The following IQGAP1 variants were observed in gnomAD, a reference collection of about 807,000 sequenced individuals.
The protein encoded by IQGAP1 is ras GTPase-activating-like protein IQGAP1.
Under a neutral mutation model 215.6 loss-of-function variants are expected in IQGAP1, and 66 were observed. The observed-to-expected ratio is 0.31, with a 90% CI of 0.25 to 0.38. The LOEUF is 0.38. Ranked by LOEUF, IQGAP1 falls within the 10% of genes least tolerant of loss-of-function variation. The pLI, the probability that IQGAP1 is intolerant of heterozygous loss-of-function variation, is 1.00. For missense variants in IQGAP1, 1,712 were observed against 1,997.1 expected (o/e 0.86, Z 2.72); for synonymous variants, 772 against 728.7 (o/e 1.06, Z -0.96).
At chr15:90,407,925 T>G (rs930868888) in intron 2 of IQGAP1, among the ~76,000 whole-genome samples, 9 of 152,226 alleles carry the variant, frequency 5.9e-5, no homozygotes, top group African/African-American at 2.2e-4. Flanking sequence ...TTACCCAACA[T>G]CAGAGAATGA....
intron 2 of IQGAP1, among the ~76,000 whole-genome samples, chr15:90,401,268 A>G (rs1215211316): frequency 6.6e-6 from 1 of 152,086 alleles, no homozygotes; most frequent in Non-Finnish European, 1.5e-5. Context: ...TTTAAGAAAG[A>G]TCTGGTTAAT....
chr15:90,423,977 C>T (rs374081238), intron 2 of IQGAP1, among the ~76,000 whole-genome samples: 53 of 151,984 alleles, frequency 3.5e-4, no homozygotes, highest in African/African-American at 1.2e-3. Context: ...GCTCTTTATC[C>T]GTAGTTTTCC....
chr15:90,466,493 G>A, intron 17 of IQGAP1, 57 bp downstream of exon 17: 3 of 1,187,832 alleles, frequency 2.5e-6, no homozygotes, highest in Non-Finnish European at 3.8e-6. Context: ...TATATGAGGG[G>A]ACAGATGTAG....
chr15:90,474,738 T>C (rs1376937485), intron 23 of IQGAP1, 45 bp downstream of exon 23: 3 of 1,412,294 alleles, frequency 2.1e-6, no homozygotes, highest in Non-Finnish European at 3.0e-6. Flanking sequence ...TTCATCCTGC[T>C]TTGTAACCCC....
intron 15 of IQGAP1, among the ~76,000 whole-genome samples, chr15:90,460,573 G>A (rs1965746946): frequency 6.6e-6 from 1 of 152,158 alleles, no homozygotes; most frequent in African/African-American, 2.4e-5. Context: ...GGGCTTTGAA[G>A]GGATGGTAGG....
At chr15:90,487,228 C>T (rs778685535) in intron 32 of IQGAP1, 139 bp downstream of exon 32, 15 of 804,438 alleles carry the variant, frequency 1.9e-5, no homozygotes, top group South Asian at 3.4e-5. Flanking sequence ...CCAATCACCT[C>T]GCATATTGTA....
At chr15:90,449,528 A>G in intron 10 of IQGAP1, 31 bp from the exon 11 acceptor site, 1 of 1,573,632 alleles carries the variant, frequency 6.4e-7, no homozygotes, top group Non-Finnish European at 8.7e-7. Flanking sequence ...GGAATGAGTA[A>G]TCTTTACATA....
intron 23 of IQGAP1, chr15:90,474,968 C>T (rs909162466): frequency 3.9e-5 from 13 of 334,950 alleles, no homozygotes; most frequent in Admixed American, 8.7e-5. Context: ...TGACACTATA[C>T]CTGGCTAATG....
At chr15:90,419,939 TATA>T (rs1010527782) in intron 2 of IQGAP1, among the ~76,000 whole-genome samples, 3 of 152,254 alleles carry the variant, frequency 2.0e-5, no homozygotes, top group African/African-American at 7.2e-5. Flanking sequence ...ACACTGCTAA[TATA>T]ATACCTGGTA....
In IQGAP1 at chr15:90,496,306, C is replaced by CTTTTTTTTTTTTTTT. The variant is rs552222380; in HGVS notation, c.4752-911_4752-897dup. 1.5e-4 allele frequency among the ~76,000 whole-genome samples: 16 copies of CTTTTTTTTTTTTTTT among 106,116 alleles called. 3 individuals are homozygous for CTTTTTTTTTTTTTTT. Among genetic ancestry groups the CTTTTTTTTTTTTTTT allele is most frequent in the African/African-American group, 6.6e-4 (15 of 22,584 alleles). The allele number at this position is 106,116 out of a possible 152,430, so 69.6% of individuals were successfully genotyped here. On this transcript the variant is annotated intron_variant, in intron 36 of 37. Coordinates refer to ENST00000268182, the MANE Select transcript of IQGAP1 (RefSeq NM_003870.4). ...GATCATCCAGAGAACAGCATAATCC[C>CTTTTTTTTTTTTTTT]TTTTTTTTTTTTTTTTTTTTTTTTT...
intron 17 of IQGAP1, among the ~76,000 whole-genome samples, chr15:90,466,971 A>C (rs1023646001): frequency 6.6e-6 from 1 of 152,086 alleles, no homozygotes; most frequent in Non-Finnish European, 1.5e-5. Flanking sequence ...GTGTGCCTGT[A>C]ATCCCAGCTA....
At chr15:90,487,169 TAC>T in intron 32 of IQGAP1, 80 bp downstream of exon 32, 2 of 1,429,762 alleles carry the variant, frequency 1.4e-6, no homozygotes, top group Non-Finnish European at 2.0e-6. Flanking sequence ...TGCTGGGTCC[TAC>T]CTGAAATGAC....
chr15:90,410,526 G>T (rs1964945311), intron 2 of IQGAP1, among the ~76,000 whole-genome samples: 2 of 152,200 alleles, frequency 1.3e-5, no homozygotes, highest in Non-Finnish European at 2.9e-5. Context: ...ATGAGTTCAT[G>T]TCCTTTGTAG....
intron 34 of IQGAP1, 122 bp from the exon 35 acceptor site, chr15:90,492,423 A>T (rs1966218505): frequency 1.5e-6 from 1 of 651,396 alleles, no homozygotes; most frequent in Non-Finnish European, 2.2e-6. Flanking sequence ...AGTGTCTAAA[A>T]AAAAAAAAAA....
intron 15 of IQGAP1, among the ~76,000 whole-genome samples, chr15:90,457,246 T>C (rs949770323): frequency 6.6e-5 from 10 of 152,220 alleles, no homozygotes; most frequent in African/African-American, 2.4e-4. Flanking sequence ...TCATACCTTA[T>C]GTGCTCTTTT....
In IQGAP1 at chr15:90,449,657, G is replaced by C. The variant is rs1430898386; in HGVS notation, c.1162+14G>C. ...AATATCAGAGAAGTAAGAGTCCATT[G>C]AAATTGTATGGGAGGAAAGTTGTGG... On this transcript the variant is annotated intron_variant, in intron 11 of 37. Coordinates refer to ENST00000268182, the MANE Select transcript of IQGAP1 (RefSeq NM_003870.4). 1.3e-6 allele frequency: 2 copies of C among 1,597,296 alleles called. No individual in the cohort carries two copies. The highest frequency in any genetic ancestry group is 1.7e-5 in the Admixed American group (1 of 58,626).
chr15:90,462,091 C>T (rs1256420626), intron 15 of IQGAP1, among the ~76,000 whole-genome samples: 1 of 152,070 alleles, frequency 6.6e-6, no homozygotes, highest in African/African-American at 2.4e-5. Context: ...TGGCATGAAC[C>T]CAGGAGGTGG....
At chr15:90,395,922 C>T (rs1394133162) in intron 2 of IQGAP1, among the ~76,000 whole-genome samples, 3 of 152,134 alleles carry the variant, frequency 2.0e-5, no homozygotes, top group Admixed American at 6.6e-5. Flanking sequence ...TCCTGGTGTG[C>T]GCTTTCAAGT....
In IQGAP1 at chr15:90,477,821, C is replaced by T. The variant is rs1966002118; in HGVS notation, c.3261C>T (p.Ile1087=). 1.2e-6 allele frequency: 2 copies of T among 1,613,906 alleles called. No homozygotes were observed. The highest frequency in any genetic ancestry group is 1.3e-5 in the African/African-American group (1 of 74,866). Residue 1087 remains isoleucine, a synonymous_variant, in exon 26 of 38, where the codon ATC becomes ATT. Coordinates refer to ENST00000268182, the MANE Select transcript of IQGAP1 (RefSeq NM_003870.4). ...TTATGGATGACAAATCTCTCAACAT[C>T]AAAACTGACCCTGTGGATATTTACA... ...KEIMDDKSLN[I]KTDPVDIYKS... is the part of the protein sequence containing the mutation.
Sources: allele counts gnomAD v4.1 joint callset (sites outside exome capture counted in the v4.1 genomes callset), GRCh38; gene constraint gnomAD v4.1.1; transcripts MANE v1.5; gene names NCBI Gene and HGNC (gene_info 2026-07-23, HGNC 2026-07-21).